The following DISP1 variants were observed in gnomAD, a reference collection of about 807,000 sequenced individuals.
DISP1 encodes dispatched RND transporter family member 1.
In DISP1, 30 loss-of-function variants were observed where a neutral mutation model predicts 37.3. The ratio of observed to expected loss-of-function variants is 0.80; its 90% CI spans 0.60 to 1.09. DISP1 has a LOEUF of 1.09. Ranked by LOEUF, DISP1 falls within the 50% of genes least tolerant of loss-of-function variation. DISP1 has a pLI of 0.00. For synonymous variants in DISP1, 634 were observed against 690.2 expected (o/e 0.92, Z 1.28); for missense variants, 1,598 against 1,879.5 (o/e 0.85, Z 2.77).
intron 8 of DISP1, among the ~76,000 whole-genome samples, chr1:222,997,686 G>A (rs932425604): frequency 6.6e-6 from 1 of 152,174 alleles, no homozygotes; most frequent in Non-Finnish European, 1.5e-5. Context: ...AGTTGATAAG[G>A]ATAGGACAGC....
In DISP1 at chr1:223,002,491, C is replaced by T. The variant is rs148999147; in HGVS notation, c.1094C>T (p.Ser365Leu). ...TACATCGCCATTCTGAACAATAGATCGTCCTGTCAGAAAATAGTTGAGCGA... is the reference window on the plus strand; with the variant it reads ...TACATCGCCATTCTGAACAATAGATTGTCCTGTCAGAAAATAGTTGAGCGA... ...GNYIAILNNR[S>L]SCQKIVERDV... The change falls in exon 9 of 9, where the codon TCG (serine) becomes TTG (leucine). Residue 365 changes from serine (S) to leucine (L), a missense_variant. Coordinates refer to ENST00000675850, the MANE Select transcript of DISP1 (RefSeq NM_001377229.1). 12 of 1,614,170 alleles carry T rather than the reference C, an allele frequency of 7.4e-6. No homozygotes were observed. Among genetic ancestry groups the T allele is most frequent in the East Asian group, 6.7e-5 (3 of 44,878 alleles).
chr1:223,003,756 A>G lies in DISP1; in HGVS notation c.2359A>G (p.Ile787Val), dbSNP rs760491197. 4.3e-6 allele frequency: 7 copies of G among 1,614,164 alleles called. No individual in the cohort carries two copies. In the South Asian group the frequency reaches 6.6e-5, roughly 15 times the overall value. Residue 787 changes from isoleucine (I) to valine (V), a missense_variant, in exon 9 of 9, where the codon ATC (isoleucine) becomes GTC (valine). By Grantham distance (29) the Ile-to-Val change is conservative (BLOSUM62 3). Coordinates refer to ENST00000675850, the MANE Select transcript of DISP1 (RefSeq NM_001377229.1). The surrounding 1 kb of genome is among the most constrained non-coding windows in gnomAD (Gnocchi z 4.3). Reference sequence around the variant, plus strand: ...CCATGGCGAGGAGCTCCACATGCCCATCACAGTAATCTGGGGCGTGTCCCC... The same window carrying G: ...CCATGGCGAGGAGCTCCACATGCCCGTCACAGTAATCTGGGGCGTGTCCCC... ...VHHGEELHMP[I>V]TVIWGVSPED...
chr1:222,936,275 G>A (rs1558338776), intron 2 of DISP1, among the ~76,000 whole-genome samples: 1 of 152,082 alleles, frequency 6.6e-6, no homozygotes, highest in Admixed American at 6.6e-5. Flanking sequence ...GAAATCACCC[G>A]ATGATGCATG....
At chr1:222,834,151 C>A (rs1360808654) in intron 1 of DISP1, among the ~76,000 whole-genome samples, 3 of 152,146 alleles carry the variant, frequency 2.0e-5, no homozygotes, top group African/African-American at 4.8e-5. Flanking sequence ...TTATTTATTT[C>A]TAAGTTTCAA....
In DISP1 at chr1:222,845,608, G is replaced by C. The variant is rs78840190; in HGVS notation, c.-159+30530G>C. The stretch of plus-strand genomic sequence containing the variant: ...TTAATGCTGTGCTTTTTGAGTTTCT[G>C]GATTTTTGAACAATATGTTTAGGTC... On this transcript the variant is annotated intron_variant, in intron 1 of 8. Transcript: ENST00000675850. Among the ~76,000 whole-genome samples the C allele has an allele frequency of 4.4e-3, 670 of 152,092 alleles. 5 individuals carry two copies. Among genetic ancestry groups the C allele is most frequent in the African/African-American group, 0.015 (631 of 41,506 alleles).
intron 1 of DISP1, among the ~76,000 whole-genome samples, chr1:222,919,213 C>T (rs1335810460): frequency 6.6e-6 from 1 of 152,172 alleles, no homozygotes; most frequent in African/African-American, 2.4e-5. Flanking sequence ...GAGTGGGGAT[C>T]GTGATCAACT....
intron 1 of DISP1, among the ~76,000 whole-genome samples, chr1:222,880,006 A>AGTCTTG (rs1169302419): frequency 6.6e-6 from 1 of 152,152 alleles, no homozygotes; most frequent in Non-Finnish European, 1.5e-5. Context: ...CAAAAAAAAA[A>AGTCTTG]GTCTTGCATC....
rs533728811 is a variant in DISP1 at position 222,899,106 on chromosome 1, G to A, written c.-158-29324G>A. Among the ~76,000 whole-genome samples the A allele has an allele frequency of 5.9e-4, 89 of 152,038 alleles. 1 individual carries two copies. The highest frequency in any genetic ancestry group is 1.1e-3 in the Admixed American group (17 of 15,268). The stretch of plus-strand genomic sequence containing the variant: ...ATTCTTATGTAAGAATATTTTATAT[G>A]AATATAGTCCTTTACCTTTTTGATT... On this transcript the variant is annotated intron_variant, in intron 1 of 8. Coordinates refer to ENST00000675850, the MANE Select transcript of DISP1 (RefSeq NM_001377229.1).
At chr1:222,869,207 G>C (rs566283706) in intron 1 of DISP1, among the ~76,000 whole-genome samples, 1 of 152,224 alleles carries the variant, frequency 6.6e-6, no homozygotes, top group East Asian at 1.9e-4. Context: ...ATGGTCTTAA[G>C]AGGCTATTTG....
chr1:222,993,131 G>T (rs1374983104), intron 7 of DISP1, among the ~76,000 whole-genome samples: 1 of 152,106 alleles, frequency 6.6e-6, no homozygotes, highest in South Asian at 2.1e-4. Context: ...TTCCCAAAGT[G>T]CTGGGATTAC....
rs749431977 is a variant in DISP1, at chr1:223,003,247, C to T, written c.1850C>T (p.Ala617Val). ...SMFVTSFTTA[A>V]AFYANYVSNI... ...TTCGTCACCAGTTTTACCACTGCTG[C>T]TGCCTTTTATGCTAACTATGTTAGC... Residue 617 changes from alanine (A) to valine (V), a missense_variant, in exon 9 of 9, where the codon GCT becomes GTT. Transcript: ENST00000675850. This position sits in a 1 kb window ranked among gnomAD's most constrained non-coding sequence, Gnocchi z 4.3. 1 of 1,614,228 alleles carries T rather than the reference C, an allele frequency of 6.2e-7. No individual in the cohort carries two copies. Among genetic ancestry groups the T allele is most frequent in the Admixed American group, 1.7e-5 (1 of 60,028 alleles).
intron 1 of DISP1, among the ~76,000 whole-genome samples, chr1:222,876,568 G>T (rs1264375827): frequency 6.6e-6 from 1 of 152,186 alleles, no homozygotes; most frequent in Non-Finnish European, 1.5e-5. Flanking sequence ...ATACTGTGGA[G>T]TAAAATTGGG....
chr1:222,866,229 G>A (rs900288740), intron 1 of DISP1, among the ~76,000 whole-genome samples: 12 of 152,094 alleles, frequency 7.9e-5, no homozygotes, highest in Admixed American at 5.9e-4. Context: ...CTCACCCTCA[G>A]CCTTTTTTGT....
At chr1:222,966,602 T>C (rs997334267) in intron 3 of DISP1, among the ~76,000 whole-genome samples, 7 of 152,168 alleles carry the variant, frequency 4.6e-5, no homozygotes, top group South Asian at 2.1e-4. Flanking sequence ...AGGTGATCCT[T>C]TAGCCAAAAC....
rs755652972 is a variant in DISP1, at chr1:223,005,797, T to G, written c.4400T>G (p.Leu1467Ter). 6.2e-7 allele frequency: 1 copy of G among 1,614,202 alleles called. No homozygotes were observed. The highest frequency in any genetic ancestry group is 2.2e-5 in the East Asian group (1 of 44,886). The part of the protein sequence containing the change: ...QNEPKVLFNH[L>*]MGEAGCRSCP... Reference sequence around the variant, plus strand: ...GAACCAAAAGTCCTATTTAATCATTTAATGGGGGAGGCTGGTTGTAGGTCT... The same window carrying G: ...GAACCAAAAGTCCTATTTAATCATTGAATGGGGGAGGCTGGTTGTAGGTCT... Residue 1467 changes from leucine to a stop codon, truncating the protein, a stop_gained, in exon 9 of 9, where the codon TTA (leucine) becomes TGA (stop). Coordinates refer to ENST00000675850, the MANE Select transcript of DISP1 (RefSeq NM_001377229.1). LOFTEE classifies it low-confidence loss of function (END_TRUNC).
intron 3 of DISP1, among the ~76,000 whole-genome samples, chr1:222,971,937 AT>A (rs1180202065): frequency 1.3e-5 from 2 of 152,252 alleles, no homozygotes; most frequent in Non-Finnish European, 2.9e-5. Context: ...AATAAAATAT[AT>A]TTGTTGAATT....
At chr1:222,852,904 G>C (rs546132746) in intron 1 of DISP1, among the ~76,000 whole-genome samples, 1 of 151,828 alleles carries the variant, frequency 6.6e-6, no homozygotes, top group Non-Finnish European at 1.5e-5. Context: ...CATATGGGGG[G>C]CTCTGGGTGT....
chr1:222,949,264 C>T (rs1023476232), intron 3 of DISP1, among the ~76,000 whole-genome samples: 6 of 151,772 alleles, frequency 4.0e-5, no homozygotes, highest in East Asian at 1.9e-4. Flanking sequence ...TGTGGTGGTG[C>T]GCACCTGTAG....
At chr1:222,956,728 T>C (rs973077756) in intron 3 of DISP1, among the ~76,000 whole-genome samples, 4 of 152,196 alleles carry the variant, frequency 2.6e-5, no homozygotes, top group Non-Finnish European at 4.4e-5. Context: ...GGCTTGAGGA[T>C]TGTAGACTTC....
Sources: allele counts gnomAD v4.1 joint callset (sites outside exome capture counted in the v4.1 genomes callset), GRCh38; gene constraint gnomAD v4.1.1; non-coding constraint Gnocchi (gnomAD v3.1); transcripts MANE v1.5; gene names NCBI Gene and HGNC (gene_info 2026-07-23, HGNC 2026-07-21).